The following EHD2 variants were observed in gnomAD, a reference collection of about 807,000 sequenced individuals.
The protein encoded by EHD2 is EH domain containing 2, also known as EH domain-containing protein 2.
Under a neutral mutation model 41.0 loss-of-function variants are expected in EHD2, and 27 were observed. That is an observed-to-expected ratio of 0.66 (90% CI 0.49 to 0.91). The LOEUF (loss-of-function observed/expected upper bound fraction) is 0.91, where lower values mean the gene tolerates loss of function less well. Ranked by LOEUF, EHD2 falls within the 40% of genes least tolerant of loss-of-function variation. EHD2 has a pLI of 0.00. For missense variants in EHD2, 673 were observed against 773.9 expected, an observed-to-expected ratio of 0.87 and a Z score of 1.55; for synonymous variants, 342 against 341.0, an observed-to-expected ratio of 1.00 and a Z score of -0.03.
intron 4 of EHD2, chr19:47,731,271 A>ATATATATATAT (rs1973804912): frequency 8.0e-5 from 2 of 25,136 alleles, no homozygotes; most frequent in African/African-American, 2.6e-4. Context: ...ATTCTTTAAA[A>ATATATATATAT]AAAAAAAAAT....
chr19:47,725,277 G>A (rs1049005991), intron 3 of EHD2, among the ~76,000 whole-genome samples: 8 of 151,882 alleles, frequency 5.3e-5, no homozygotes, highest in Middle Eastern at 3.2e-3. Flanking sequence ...GAGGCTGGGC[G>A]CGGTGGCCCA....
intron 4 of EHD2, among the ~76,000 whole-genome samples, chr19:47,727,400 A>G (rs765186361): frequency 2.6e-5 from 4 of 151,978 alleles, no homozygotes; most frequent in African/African-American, 9.7e-5. Context: ...CCAGGCCCAC[A>G]AGTATTTCTG....
chr19:47,726,085 C>T lies in EHD2; in HGVS notation c.776C>T (p.Ser259Phe). 1 of 1,575,986 alleles carries T rather than the reference C, an allele frequency of 6.3e-7. No homozygotes were observed. The highest frequency in any genetic ancestry group is 8.6e-7 in the Non-Finnish European group (1 of 1,161,782). The change falls in exon 4 of 6, where the codon TCC (serine) becomes TTC (phenylalanine). Residue 259 changes from serine to phenylalanine, a missense_variant. By Grantham distance (155) the Ser-to-Phe change is radical. Transcript: ENST00000263277. ...VLRVYIGSFWSQPLLVPDNRR... is the reference protein window; with the variant it reads ...VLRVYIGSFWFQPLLVPDNRR... The stretch of plus-strand genomic sequence containing the variant: ...CGCGTCTACATCGGCTCCTTCTGGT[C>T]CCAGCCCCTCCTCGTGCCCGACAAC...
chr19:47,716,424 C>T (rs1973625143), intron 1 of EHD2, 134 bp from the exon 2 acceptor site: 3 of 562,810 alleles, frequency 5.3e-6, no homozygotes, highest in Non-Finnish European at 5.8e-6. Context: ...TCTGTGACCA[C>T]ATATTTGTGA....
chr19:47,720,246 C>G (rs1054158033), intron 3 of EHD2, among the ~76,000 whole-genome samples: 1 of 152,028 alleles, frequency 6.6e-6, no homozygotes, highest in African/African-American at 2.4e-5. Flanking sequence ...TCACTGCAAC[C>G]TTTGCCTCCC....
intron 4 of EHD2, 76 bp downstream of exon 4, chr19:47,726,300 C>T: frequency 2.8e-6 from 4 of 1,426,826 alleles, no homozygotes; most frequent in Non-Finnish European, 3.7e-6. Context: ...GCTGTGAGTC[C>T]CTGACTTATC....
rs1374586044 is a variant in EHD2 at position 47,726,237 on chromosome 19, G to T, written c.915+13G>T. On this transcript the variant is annotated intron_variant, in intron 4 of 5. Transcript: ENST00000263277. The stretch of plus-strand genomic sequence containing the variant: ...CCGGCTGGTGCGAGTGAGTAGTCCT[G>T]AGGGCTGGGCGCGCATTCTTGGAGG... The T allele has an allele frequency of 6.1e-6, 9 of 1,476,476 alleles. No homozygotes were observed. Among genetic ancestry groups the T allele is most frequent in the Non-Finnish European group, 8.1e-6 (9 of 1,111,430 alleles). 91.5% of individuals were successfully genotyped at this position (1,476,476 alleles called of 1,614,324 possible). A position where few individuals can be genotyped will look rare whatever the true frequency, so the allele number is the denominator to read the frequency against.
chr19:47,737,098 G>T (rs1195178977), intron 5 of EHD2, among the ~76,000 whole-genome samples: 1 of 151,970 alleles, frequency 6.6e-6, no homozygotes, highest in Non-Finnish European at 1.5e-5. Context: ...GGGTGTGGTG[G>T]TGGGCGCCTG....
chr19:47,721,816 C>T (rs1434894457), intron 3 of EHD2, among the ~76,000 whole-genome samples: 1 of 151,792 alleles, frequency 6.6e-6, no homozygotes, highest in Non-Finnish European at 1.5e-5. Context: ...GAAACCCTGT[C>T]TATACTAAAA....
intron 5 of EHD2, among the ~76,000 whole-genome samples, chr19:47,736,997 C>A (rs559889763): frequency 6.6e-6 from 1 of 151,892 alleles, no homozygotes; most frequent in Non-Finnish European, 1.5e-5. Flanking sequence ...TTTGGGAGGC[C>A]GAGGCGGGCG....
chr19:47,723,731 G>T (rs1234272031), intron 3 of EHD2, among the ~76,000 whole-genome samples: 1 of 151,074 alleles, frequency 6.6e-6, no homozygotes, highest in Admixed American at 6.6e-5. Context: ...AGGCTGGAGT[G>T]CAATGACGCA....
intron 4 of EHD2, among the ~76,000 whole-genome samples, chr19:47,734,353 A>C (rs1170254088): frequency 6.6e-6 from 1 of 152,004 alleles, no homozygotes; most frequent in Non-Finnish European, 1.5e-5. Flanking sequence ...AAAAAAGAAA[A>C]GGAAAGTAGG....
In EHD2 at chr19:47,741,345, C is replaced by G. The variant is rs1248889480; in HGVS notation, c.1545C>G (p.Ala515=). The G allele has an allele frequency of 6.2e-7, 1 of 1,611,800 alleles. No individual in the cohort carries two copies. ...CGCTGGCCAGCCACCTCATCGAGGCCAAGCTGGAAGGCCACGGGCTGCCCG... is the reference window on the plus strand; with the variant it reads ...CGCTGGCCAGCCACCTCATCGAGGCGAAGCTGGAAGGCCACGGGCTGCCCG... The part of the protein sequence containing the change: ...EFALASHLIE[A]KLEGHGLPAN... The change falls in exon 6 of 6, where the codon GCC becomes GCG. Residue 515 remains alanine, a synonymous_variant. Transcript: ENST00000263277. This position sits in a 1 kb window ranked among gnomAD's most constrained non-coding sequence, Gnocchi z 4.5.
intron 1 of EHD2, among the ~76,000 whole-genome samples, chr19:47,714,402 A>G (rs1163050323): frequency 1.3e-5 from 2 of 152,186 alleles, no homozygotes; most frequent in African/African-American, 2.4e-5. Flanking sequence ...AATCATAAGC[A>G]TCAACGGGGA....
intron 4 of EHD2, among the ~76,000 whole-genome samples, chr19:47,729,863 TCA>T (rs1333744197): frequency 6.6e-6 from 1 of 152,102 alleles, no homozygotes; most frequent in Non-Finnish European, 1.5e-5. Flanking sequence ...TACCTCTCTC[TCA>T]GTCTCTTTCT....
At chr19:47,722,367 C>T (rs910807860) in intron 3 of EHD2, among the ~76,000 whole-genome samples, 2 of 152,118 alleles carry the variant, frequency 1.3e-5, no homozygotes, top group Admixed American at 6.6e-5. Context: ...AGTTGCTGTC[C>T]CTCCAGTGAC....
intron 5 of EHD2, among the ~76,000 whole-genome samples, chr19:47,736,912 T>C (rs1280478810): frequency 6.6e-6 from 1 of 152,142 alleles, no homozygotes; most frequent in African/African-American, 2.4e-5. Context: ...GCTCCAGCCA[T>C]TGTGTCTGCG....
chr19:47,734,945 C>T (rs890816258), intron 4 of EHD2, among the ~76,000 whole-genome samples: 10 of 151,600 alleles, frequency 6.6e-5, no homozygotes, highest in East Asian at 3.9e-4. Context: ...CCCAGCTACT[C>T]GGGAGGCCAG....
intron 4 of EHD2, among the ~76,000 whole-genome samples, chr19:47,733,903 T>C (rs186574503): frequency 1.3e-5 from 2 of 152,278 alleles, no homozygotes; most frequent in East Asian, 3.9e-4. Context: ...TGGGTTTCCC[T>C]GGACCACACT....
Sources: allele counts gnomAD v4.1 joint callset (sites outside exome capture counted in the v4.1 genomes callset), GRCh38; gene constraint gnomAD v4.1.1; non-coding constraint Gnocchi (gnomAD v3.1); transcripts MANE v1.5; gene names NCBI Gene and HGNC (gene_info 2026-07-23, HGNC 2026-07-21).